PRKCQ: variants seen among roughly 807,000 people sequenced by gnomAD.
The protein encoded by PRKCQ is protein kinase C theta type.
A neutral mutation model predicts 91.2 loss-of-function variants in PRKCQ; 41 were observed. The observed-to-expected ratio is 0.45, with a 90% confidence interval of 0.35 to 0.58. PRKCQ has a LOEUF of 0.58. Among genes scored for constraint, PRKCQ ranks in the 20% least tolerant of loss-of-function variants. PRKCQ has a pLI of 0.00. For synonymous variants in PRKCQ, 307 were observed against 316.9 expected (o/e 0.97, Z 0.33); for missense variants, 673 against 896.5 (o/e 0.75, Z 3.18).
chr10:6,403,198 T>C, the PRKCQ span, among the ~76,000 whole-genome samples: 13,049 of 152,312 alleles, frequency 0.086, 762 homozygotes, highest in Middle Eastern at 0.19. Flanking sequence ...AAACACCTAG[T>C]TTCCGGCAAT....
At chr10:6,451,117 A>G (rs1454752145) in intron 15 of PRKCQ, among the ~76,000 whole-genome samples, 1 of 151,180 alleles carries the variant, frequency 6.6e-6, no homozygotes, top group East Asian at 2.0e-4. Flanking sequence ...AAAACCCTTC[A>G]AAAAATTAAT....
In PRKCQ at chr10:6,497,378, T is replaced by C. The variant is rs1837677989; in HGVS notation, c.543-127A>G. 6.5e-6 allele frequency: 7 copies of C among 1,079,276 alleles called. No individual in the cohort carries two copies. Among genetic ancestry groups the C allele is most frequent in the South Asian group, 2.6e-5 (2 of 75,472 alleles). The allele number at this position is 1,079,276 out of a possible 1,614,324, so 66.9% of individuals were successfully genotyped here. ...GAGCAGTTTCTGATCAGCAGCCCTG[T>C]TGTATCATTTGCCAAGAGTATTAAC... is the stretch of plus-strand genomic sequence containing the variant. On this transcript the variant is annotated intron_variant, in intron 5 of 17. Coordinates refer to ENST00000263125, the MANE Select transcript of PRKCQ (RefSeq NM_006257.5). The surrounding 1 kb of genome is among the most constrained non-coding windows in gnomAD (Gnocchi z 4.5).
rs1354006222 is a variant in PRKCQ at position 6,465,624 on chromosome 10, A to G, written c.1354-1220T>C. Among the ~76,000 whole-genome samples, 1 of 152,244 alleles carries G rather than the reference A, an allele frequency of 6.6e-6. No homozygotes were observed. The highest frequency in any genetic ancestry group is 1.5e-5 in the Non-Finnish European group (1 of 68,046). ...GAAAGTCTCACCTGGGTGGTTTCTT[A>G]ACAGAATTAACCTTTACGTTTTGAT... On this transcript the variant is annotated intron_variant, in intron 12 of 17. Transcript: ENST00000263125. This position sits in a 1 kb window ranked among gnomAD's most constrained non-coding sequence, Gnocchi z 4.4.
At position 6,561,369 on chromosome 10, in the gene PRKCQ, C is replaced by CG. The variant is rs1564394645; in HGVS notation, c.-10+18841_-10+18842insC. ...GGACCACCAGAGTGAGACCCTGTCTCAAAAAAAAAAAAAAAAAAAAAAAAA... is the reference window on the plus strand; with the variant it reads ...GGACCACCAGAGTGAGACCCTGTCTCGAAAAAAAAAAAAAAAAAAAAAAAAA... On this transcript the variant is annotated intron_variant, in intron 1 of 17. Coordinates refer to ENST00000263125, the MANE Select transcript of PRKCQ (RefSeq NM_006257.5). Among the ~76,000 whole-genome samples, 66 of 82,594 alleles carry CG rather than the reference C, an allele frequency of 8.0e-4. 4 individuals carry two copies. Among genetic ancestry groups the CG allele is most frequent in the East Asian group, 2.7e-3 (8 of 2,936 alleles). 54.2% of individuals were successfully genotyped at this position (82,594 alleles called of 152,430 possible).
intron 1 of PRKCQ, chr10:6,515,374 C>T: frequency 1.4e-6 from 2 of 1,455,402 alleles, no homozygotes; most frequent in Non-Finnish European, 1.8e-6. Context: ...AGTCTGCACT[C>T]AACCTTGCTT....
chr10:6,553,141 C>T (rs1291033837), intron 1 of PRKCQ, among the ~76,000 whole-genome samples: 1 of 152,048 alleles, frequency 6.6e-6, no homozygotes, highest in Admixed American at 6.5e-5. Flanking sequence ...AAAAATAGAC[C>T]TCAGTAATAC....
chr10:6,574,209 C>T (rs1841143062), intron 1 of PRKCQ, among the ~76,000 whole-genome samples: 1 of 152,206 alleles, frequency 6.6e-6, no homozygotes, highest in Admixed American at 6.5e-5. Context: ...GAGGAGACAG[C>T]TGCCAACGTA....
chr10:6,534,224 G>A (rs1839493216), intron 1 of PRKCQ, among the ~76,000 whole-genome samples: 1 of 152,112 alleles, frequency 6.6e-6, no homozygotes. Flanking sequence ...TAAAAGATAG[G>A]TAAATCATCC....
intron 2 of PRKCQ, 28 bp downstream of exon 2, chr10:6,514,990 C>T: frequency 6.2e-7 from 1 of 1,612,160 alleles, no homozygotes; most frequent in Non-Finnish European, 8.5e-7. Flanking sequence ...CTCCTCCTCC[C>T]CCGCTTTGAA....
At chr10:6,505,259 C>T (rs375751136) in intron 4 of PRKCQ, among the ~76,000 whole-genome samples, 83 of 152,220 alleles carry the variant, frequency 5.5e-4, no homozygotes, top group African/African-American at 1.9e-3. Flanking sequence ...ATTGTTTTTG[C>T]CCGATTGAAT....
chr10:6,499,462 T>C (rs1837788321), intron 4 of PRKCQ, among the ~76,000 whole-genome samples: 1 of 152,124 alleles, frequency 6.6e-6, no homozygotes, highest in Non-Finnish European at 1.5e-5. Flanking sequence ...TGTAAGGCAG[T>C]CATGGTTAAA....
At chr10:6,479,311 G>T in intron 11 of PRKCQ, 146 bp from the exon 12 acceptor site, 1 of 832,338 alleles carries the variant, frequency 1.2e-6, no homozygotes, top group Non-Finnish European at 1.9e-6. Flanking sequence ...GGCCATTCCT[G>T]AGACAAAATG....
At chr10:6,434,673 G>A (rs1833610412) in intron 16 of PRKCQ, among the ~76,000 whole-genome samples, 1 of 152,232 alleles carries the variant, frequency 6.6e-6, no homozygotes, top group Non-Finnish European at 1.5e-5. Context: ...TAGCCAGGAT[G>A]TAGTTGAAGT....
intron 1 of PRKCQ, among the ~76,000 whole-genome samples, chr10:6,571,151 G>T (rs185923231): frequency 1.3e-5 from 2 of 152,218 alleles, no homozygotes; most frequent in Non-Finnish European, 2.9e-5. Flanking sequence ...ACGGCATCCT[G>T]AATTTGCAGA....
intron 1 of PRKCQ, among the ~76,000 whole-genome samples, chr10:6,536,778 T>C (rs898249245): frequency 6.6e-6 from 1 of 152,154 alleles, no homozygotes; most frequent in African/African-American, 2.4e-5. Flanking sequence ...GTTTGAAAAT[T>C]TGAAATTCCA....
chr10:6,506,951 C>T (rs1483423433), intron 4 of PRKCQ, among the ~76,000 whole-genome samples: 4 of 152,334 alleles, frequency 2.6e-5, no homozygotes, highest in East Asian at 3.9e-4. Flanking sequence ...TGTGTTTTCT[C>T]ACCTTTTCTT....
downstream of PRKCQ, among the ~76,000 whole-genome samples, chr10:6,422,320 G>T (rs2132206801): frequency 6.6e-6 from 1 of 151,914 alleles, no homozygotes; most frequent in Non-Finnish European, 1.5e-5. Context: ...TTATTTTTTG[G>T]TCCTCATTTT....
intron 3 of PRKCQ, among the ~76,000 whole-genome samples, chr10:6,507,927 T>G (rs944386866): frequency 6.6e-6 from 1 of 152,136 alleles, no homozygotes; most frequent in Non-Finnish European, 1.5e-5. Context: ...TGAGGCCGCC[T>G]CCAGGCCCCT....
Position 6,456,828 on chromosome 10 carries a change from G to GAACAA in PRKCQ, c.1509-17_1509-16insTTGTT. 6.2e-7 allele frequency: 1 copy of GAACAA among 1,613,084 alleles called. No individual in the cohort carries two copies. Among genetic ancestry groups the GAACAA allele is most frequent in the Non-Finnish European group, 8.5e-7 (1 of 1,179,536 alleles). The stretch of plus-strand genomic sequence containing the variant: ...CTTCAGGTCCCTGAAAAACAAAAGT[G>GAACAA]AAGCAAATCTCACATTAATCAATAT... On this transcript the variant is annotated splice_polypyrimidine_tract_variant and intron_variant, in intron 14 of 17. Coordinates refer to ENST00000263125, the MANE Select transcript of PRKCQ (RefSeq NM_006257.5).
Sources: allele counts gnomAD v4.1 joint callset (sites outside exome capture counted in the v4.1 genomes callset), GRCh38; gene constraint gnomAD v4.1.1; non-coding constraint Gnocchi (gnomAD v3.1); transcripts MANE v1.5; gene names NCBI Gene and HGNC (gene_info 2026-07-23, HGNC 2026-07-21).